Variants in KIAA1671 observed in about 807,000 individuals in gnomAD.
KIAA1671 encodes the protein uncharacterized protein KIAA1671.
In KIAA1671, 52 loss-of-function variants were observed where a neutral mutation model predicts 131.2. The observed-to-expected ratio is 0.40, with a 90% CI of 0.32 to 0.50. The LOEUF is 0.50. Among genes scored for constraint, KIAA1671 ranks in the 20% least tolerant of loss-of-function variants. The probability of loss-of-function intolerance (pLI) is 0.73; values close to 1 mark genes in which losing one functional copy is unlikely to be tolerated. For missense variants in KIAA1671, 2,360 were observed against 2,364.2 expected (o/e 1.00, Z 0.04); for synonymous variants, 1,003 against 961.6 (o/e 1.04, Z -0.80).
At position 25,040,033 on chromosome 22, in the gene KIAA1671, ACT is replaced by A; in HGVS notation, c.2907_2908del (p.Pro970ThrfsTer79). On this transcript the variant is annotated frameshift_variant, in exon 5 of 13. Coordinates refer to ENST00000358431, the MANE Select transcript of KIAA1671 (RefSeq NM_001145206.2). LOFTEE classifies it high-confidence loss of function. The stretch of plus-strand genomic sequence containing the variant: ...ACATTCAGTTCTCTTGTCCCAGAGG[ACT>A]CTCCACATGTGGGGCACAGACGAAC... 1 of 1,551,356 alleles carries A rather than the reference ACT, an allele frequency of 6.4e-7. No homozygotes were observed. Among genetic ancestry groups the A allele is most frequent in the Non-Finnish European group, 8.7e-7 (1 of 1,146,926 alleles).
At chr22:25,067,281 G>T (rs922033106) in intron 6 of KIAA1671, among the ~76,000 whole-genome samples, 3 of 141,096 alleles carry the variant, frequency 2.1e-5, no homozygotes, top group Non-Finnish European at 4.8e-5. Flanking sequence ...ACCTTTGAAC[G>T]TCTCTTTTTA....
At chr22:25,163,030 TA>T (rs1933500117) in intron 6 of KIAA1671, among the ~76,000 whole-genome samples, 1 of 152,176 alleles carries the variant, frequency 6.6e-6, no homozygotes, top group South Asian at 2.1e-4. Context: ...TTTGTTACCT[TA>T]AAAAAATTTT....
intron 2 of KIAA1671, among the ~76,000 whole-genome samples, chr22:25,026,454 G>C (rs1751855107): frequency 6.6e-6 from 1 of 152,112 alleles, no homozygotes; most frequent in Non-Finnish European, 1.5e-5. Context: ...GCTGAGGCTG[G>C]GTGTGGTGGC....
intron 1 of KIAA1671, among the ~76,000 whole-genome samples, chr22:24,978,376 T>C (rs1034503772): frequency 6.6e-6 from 1 of 152,206 alleles, no homozygotes; most frequent in Non-Finnish European, 1.5e-5. Context: ...GAGGCCTCCC[T>C]AGCCATATGG....
chr22:24,987,908 C>T (rs1168086067), intron 1 of KIAA1671, among the ~76,000 whole-genome samples: 1 of 152,202 alleles, frequency 6.6e-6, no homozygotes, highest in Non-Finnish European at 1.5e-5. Context: ...CCTGTCATGT[C>T]TGCCTTCTCT....
chr22:25,117,590 CA>C (rs1288511392), intron 6 of KIAA1671, among the ~76,000 whole-genome samples: 12 of 96,756 alleles, frequency 1.2e-4, no homozygotes, highest in East Asian at 2.6e-4. Flanking sequence ...CCCAACCACA[CA>C]CACACACACA....
intron 12 of KIAA1671, among the ~76,000 whole-genome samples, chr22:25,191,975 G>A (rs1311008506): frequency 1.3e-5 from 2 of 152,002 alleles, no homozygotes; most frequent in Admixed American, 6.5e-5. Context: ...ATACATATGT[G>A]TATATATTAC....
intron 6 of KIAA1671, among the ~76,000 whole-genome samples, chr22:25,126,111 G>C (rs1414907386): frequency 6.6e-6 from 1 of 152,154 alleles, no homozygotes; most frequent in Non-Finnish European, 1.5e-5. Context: ...AGGTTCAGAT[G>C]GGGGCAGATT....
intron 7 of KIAA1671, among the ~76,000 whole-genome samples, chr22:25,172,827 A>C (rs943304657): frequency 3.9e-5 from 6 of 152,252 alleles, no homozygotes; most frequent in Non-Finnish European, 8.8e-5. Context: ...CGCTGGAGTC[A>C]GACTGCCTGG....
At chr22:25,034,893 A>G (rs1425302838) in intron 4 of KIAA1671, among the ~76,000 whole-genome samples, 1 of 148,142 alleles carries the variant, frequency 6.8e-6, no homozygotes, top group Non-Finnish European at 1.5e-5. Flanking sequence ...GCCCGCCACC[A>G]CGCCTGGCTA....
chr22:25,151,035 C>A (rs148334065), intron 6 of KIAA1671, among the ~76,000 whole-genome samples: 1 of 151,736 alleles, frequency 6.6e-6, no homozygotes, highest in African/African-American at 2.4e-5. Context: ...GGGGTTTCAC[C>A]GTGTTAGCCA....
rs6004452 is a variant in KIAA1671 at position 25,157,947 on chromosome 22, G to A, written c.4531-12873G>A. 3.2e-3 allele frequency among the ~76,000 whole-genome samples: 487 copies of A among 151,570 alleles called. 2 individuals are homozygous for A. Among genetic ancestry groups the A allele is most frequent in the African/African-American group, 0.011 (469 of 41,274 alleles). Reference sequence around the variant, plus strand: ...TGCCTTTCTCCTGCCTCAGCCTCCCGAGTAGCTGGGACTACAGGTACCCAC... The same window carrying A: ...TGCCTTTCTCCTGCCTCAGCCTCCCAAGTAGCTGGGACTACAGGTACCCAC... On this transcript the variant is annotated intron_variant, in intron 6 of 12. Transcript: ENST00000358431.
intron 1 of KIAA1671, among the ~76,000 whole-genome samples, chr22:24,963,095 T>C (rs1922097224): frequency 6.6e-6 from 1 of 151,992 alleles, no homozygotes; most frequent in African/African-American, 2.4e-5. Flanking sequence ...CAGTTGGGCA[T>C]CTCTCCATAA....
At chr22:25,141,303 G>T (rs1305770948) in intron 6 of KIAA1671, among the ~76,000 whole-genome samples, 1 of 151,974 alleles carries the variant, frequency 6.6e-6, no homozygotes, top group Non-Finnish European at 1.5e-5. Context: ...CATAATCTCG[G>T]CTCACTGAAA....
At chr22:25,068,789 G>A (rs1282117762) in intron 6 of KIAA1671, among the ~76,000 whole-genome samples, 2 of 152,198 alleles carry the variant, frequency 1.3e-5, no homozygotes, top group African/African-American at 2.4e-5. Context: ...CTGGTGTCCA[G>A]TGGTGAGGCT....
chr22:25,105,819 T>G (rs1321919403), intron 6 of KIAA1671, among the ~76,000 whole-genome samples: 14 of 137,390 alleles, frequency 1.0e-4, no homozygotes, highest in Middle Eastern at 3.7e-3. Context: ...GGTATGAAGT[T>G]GGGGGGGGGG....
chr22:25,093,834 GTCTGTCTCTCTCTCTC>G (rs1930249910), intron 6 of KIAA1671, among the ~76,000 whole-genome samples: 1 of 16,942 alleles, frequency 5.9e-5, no homozygotes, highest in Admixed American at 5.7e-4. Flanking sequence ...TTCTCTCTCT[GTCTGTCTCTCTCTCTC>G]TCTCTCTCTC....
chr22:25,093,786 C>CTCTCTG (rs1568951272), intron 6 of KIAA1671, among the ~76,000 whole-genome samples: 1 of 75,584 alleles, frequency 1.3e-5, no homozygotes, highest in Middle Eastern at 6.6e-3. Flanking sequence ...CTCTCTCTCT[C>CTCTCTG]TCTCTCTCTC....
At chr22:25,088,108 TTTC>T (rs1233570705) in intron 6 of KIAA1671, among the ~76,000 whole-genome samples, 42 of 113,182 alleles carry the variant, frequency 3.7e-4, no homozygotes, top group Admixed American at 2.4e-3. Context: ...TCTTTCTTTC[TTTC>T]TTTTTTTTTT....
Sources: allele counts gnomAD v4.1 joint callset (sites outside exome capture counted in the v4.1 genomes callset), GRCh38; gene constraint gnomAD v4.1.1; transcripts MANE v1.5; gene names NCBI Gene and HGNC (gene_info 2026-07-23, HGNC 2026-07-21).